Variants in PKP4 observed in about 807,000 individuals in gnomAD.
The protein encoded by PKP4 is plakophilin 4.
PKP4 carries 90 observed loss-of-function variants against 145.1 expected under a neutral mutation model. The observed-to-expected ratio is 0.62, with a 90% CI of 0.52 to 0.74. The LOEUF (loss-of-function observed/expected upper bound fraction) is 0.74, where lower values mean the gene tolerates loss of function less well. Among genes scored for constraint, PKP4 ranks in the 30% least tolerant of loss-of-function variants. The pLI is 0.00. For missense variants in PKP4, 1,340 were observed against 1,482.7 expected (o/e 0.90, Z 1.58); for synonymous variants, 563 against 577.2 (o/e 0.98, Z 0.35).
At chr2:158,618,817 G>A (rs1171666845) in intron 4 of PKP4, among the ~76,000 whole-genome samples, 1 of 151,914 alleles carries the variant, frequency 6.6e-6, no homozygotes, top group African/African-American at 2.4e-5. Context: ...GGTTTCCATG[G>A]TGAAAAATGT....
intron 4 of PKP4, among the ~76,000 whole-genome samples, chr2:158,611,508 C>T (rs2051145472): frequency 6.6e-6 from 1 of 152,058 alleles, no homozygotes; most frequent in Non-Finnish European, 1.5e-5. Context: ...GAAAGTAGTC[C>T]TAAGTCAATT....
intron 21 of PKP4, 75 bp downstream of exon 21, chr2:158,678,729 C>T (rs2058228281): frequency 3.1e-6 from 3 of 969,662 alleles, no homozygotes; most frequent in African/African-American, 1.6e-5. Context: ...CGATTGACTT[C>T]CCAGAGCTGG....
At chr2:158,617,735 A>G (rs1398124980) in intron 4 of PKP4, among the ~76,000 whole-genome samples, 4 of 152,228 alleles carry the variant, frequency 2.6e-5, no homozygotes, top group African/African-American at 9.6e-5. Context: ...ATGCATGTAT[A>G]TAGATAATTT....
intron 1 of PKP4, among the ~76,000 whole-genome samples, chr2:158,476,630 C>T (rs1322895145): frequency 6.6e-6 from 1 of 152,140 alleles, no homozygotes; most frequent in Non-Finnish European, 1.5e-5. Flanking sequence ...TGTACTCAGC[C>T]CCTGAAGATT....
chr2:158,609,742 TAAGG>T (rs904237419), intron 4 of PKP4, among the ~76,000 whole-genome samples: 4 of 152,238 alleles, frequency 2.6e-5, no homozygotes, highest in African/African-American at 9.6e-5. Context: ...CATCATTTTC[TAAGG>T]AAGAGCTTAG....
At chr2:158,472,828 T>C (rs1691813091) in intron 1 of PKP4, among the ~76,000 whole-genome samples, 1 of 152,104 alleles carries the variant, frequency 6.6e-6, no homozygotes. Context: ...TGTTAAATGT[T>C]ACAAGCATGA....
At chr2:158,523,634 ATGAC>A (rs2042651901) in intron 1 of PKP4, among the ~76,000 whole-genome samples, 1 of 131,992 alleles carries the variant, frequency 7.6e-6, no homozygotes. Flanking sequence ...TGGATGGAGA[ATGAC>A]TTTGACGAGC....
chr2:158,644,715 A>G (rs1164986389), intron 11 of PKP4, among the ~76,000 whole-genome samples: 1 of 152,244 alleles, frequency 6.6e-6, no homozygotes, highest in Non-Finnish European at 1.5e-5. Flanking sequence ...TCTAATTGGA[A>G]TAATAAAAAT....
At chr2:158,480,037 C>T (rs1410089622) in intron 1 of PKP4, among the ~76,000 whole-genome samples, 2 of 152,152 alleles carry the variant, frequency 1.3e-5, no homozygotes, top group Non-Finnish European at 2.9e-5. Context: ...TTCTGAACTG[C>T]TACTGCTTTA....
In PKP4 at chr2:158,681,085, G is replaced by A. The variant is rs2058400453; in HGVS notation, c.*408G>A. ...CCATGTTTTATTGCTATTACTAAAT[G>A]TCAAGATTGTATGCTATTATGTCTT... On this transcript the variant is annotated 3_prime_UTR_variant, in exon 22 of 22. Transcript: ENST00000389759. The A allele has an allele frequency of 6.2e-6, 1 of 162,006 alleles. No individual in the cohort carries two copies. Among genetic ancestry groups the A allele is most frequent in the Non-Finnish European group, 1.4e-5 (1 of 73,864 alleles). 10.0% of individuals were successfully genotyped at this position (162,006 alleles called of 1,614,324 possible).
intron 1 of PKP4, among the ~76,000 whole-genome samples, chr2:158,515,514 T>A (rs2041865817): frequency 1.3e-5 from 2 of 152,278 alleles, no homozygotes; most frequent in South Asian, 4.1e-4. Context: ...CAGAATTTCA[T>A]GTTTTTGGTG....
rs558704873 is a variant in PKP4, at chr2:158,634,125, A to G, written c.1398A>G (p.Gln466=). Residue 466 remains glutamine (Q), a synonymous_variant, in exon 9 of 22, where the codon CAA becomes CAG. Coordinates refer to ENST00000389759, the MANE Select transcript of PKP4 (RefSeq NM_003628.6). ...GCCAACGAAGTACCCTTACATACCA[A>G]AGAAATAATTATGCTCTGAACACAA... ...TSSQRSTLTY[Q]RNNYALNTTA... is the part of the protein sequence containing the mutation. 6.2e-7 allele frequency: 1 copy of G among 1,614,126 alleles called. No individual in the cohort carries two copies. Among genetic ancestry groups the G allele is most frequent in the East Asian group, 2.2e-5 (1 of 44,880 alleles).
intron 16 of PKP4, among the ~76,000 whole-genome samples, chr2:158,668,453 A>G (rs2057298735): frequency 6.6e-6 from 1 of 152,156 alleles, no homozygotes. Context: ...TACATACTCA[A>G]CTGAGTGGGA....
At chr2:158,551,649 AT>A in intron 2 of PKP4, among the ~76,000 whole-genome samples, 1 of 152,344 alleles carries the variant, frequency 6.6e-6, no homozygotes, top group South Asian at 2.1e-4. Flanking sequence ...ATGCAGAAGT[AT>A]TTTTTAAATC....
At chr2:158,598,126 A>AT (rs930857701) in intron 3 of PKP4, among the ~76,000 whole-genome samples, 3 of 152,152 alleles carry the variant, frequency 2.0e-5, no homozygotes, top group African/African-American at 7.2e-5. Flanking sequence ...GTCAAGCCTG[A>AT]TTTTTTTAAA....
At chr2:158,606,626 A>G (rs1406119670) in intron 4 of PKP4, among the ~76,000 whole-genome samples, 5 of 152,212 alleles carry the variant, frequency 3.3e-5, no homozygotes, top group Admixed American at 1.3e-4. Flanking sequence ...CTTTCTGTGC[A>G]TTTGTGTGTT....
rs1221246852 is a variant in PKP4, at chr2:158,661,581, A to G, written c.2211+131A>G. The stretch of plus-strand genomic sequence containing the variant: ...CCTCAGGAGGCCACTCTCCAGATCA[A>G]AGGGCAAGTCTCCAAAGTTACAGGG... On this transcript the variant is annotated intron_variant, in intron 13 of 21. Transcript: ENST00000389759. 3 of 639,624 alleles carry G rather than the reference A, an allele frequency of 4.7e-6. No individual in the cohort carries two copies. In the Admixed American group the frequency reaches 6.7e-5, roughly 14 times the overall value. The allele number at this position is 639,624 out of a possible 1,614,324, so 39.6% of individuals were successfully genotyped here. A position where few individuals can be genotyped will look rare whatever the true frequency, so the allele number is the denominator to read the frequency against.
At chr2:158,499,734 T>G (rs891248340) in intron 1 of PKP4, among the ~76,000 whole-genome samples, 3 of 152,146 alleles carry the variant, frequency 2.0e-5, no homozygotes, top group African/African-American at 7.2e-5. Context: ...CGGTTAGAAA[T>G]GAGGTCAATT....
At chr2:158,534,310 A>G (rs998381400) in intron 2 of PKP4, among the ~76,000 whole-genome samples, 5 of 152,226 alleles carry the variant, frequency 3.3e-5, no homozygotes, top group Non-Finnish European at 1.5e-5. Flanking sequence ...ACCGTGACAC[A>G]TGTCTGACGT....
Sources: gnomAD v4.1 joint callset for allele counts (sites outside exome capture counted in the v4.1 genomes callset) on GRCh38, gnomAD v4.1.1 for gene constraint, MANE v1.5 for transcripts, NCBI Gene and HGNC (gene_info 2026-07-23, HGNC 2026-07-21) for gene names.